TLN1: variants seen among roughly 807,000 people sequenced by gnomAD.
The protein encoded by TLN1 is talin 1.
In TLN1, 56 loss-of-function variants were observed where a neutral mutation model predicts 292.3. That is an observed-to-expected ratio of 0.19 (90% CI 0.15 to 0.24). TLN1 has a LOEUF of 0.24. Ranked by LOEUF, TLN1 falls within the 10% of genes least tolerant of loss-of-function variation. The probability of loss-of-function intolerance (pLI) is 1.00; values close to 1 mark genes in which losing one functional copy is unlikely to be tolerated. For missense variants in TLN1, 2,433 were observed against 3,248.2 expected (o/e 0.75, Z 6.10); for synonymous variants, 1,119 against 1,253.7 (o/e 0.89, Z 2.27).
At chr9:35,726,003 C>A (rs1182547548) in intron 1 of TLN1, among the ~76,000 whole-genome samples, 1 of 152,136 alleles carries the variant, frequency 6.6e-6, no homozygotes. Context: ...AGCTCCGCCT[C>A]CTGGATTCAC....
chr9:35,710,496 A>G, intron 33 of TLN1, 65 bp downstream of exon 33: 2 of 1,572,214 alleles, frequency 1.3e-6, no homozygotes, highest in African/African-American at 2.7e-5. Flanking sequence ...CAGGTATGTC[A>G]GGCTGAGAGA....
chr9:35,707,327 TC>T lies in TLN1; in HGVS notation c.4773+20del. 1 of 1,612,176 alleles carries T rather than the reference TC, an allele frequency of 6.2e-7. No homozygotes were observed. The highest frequency in any genetic ancestry group is 1.1e-5 in the South Asian group (1 of 91,038). On this transcript the variant is annotated intron_variant, in intron 36 of 56. Transcript: ENST00000314888. The surrounding 1 kb of genome is among the most constrained non-coding windows in gnomAD (Gnocchi z 5.6). Reference sequence around the variant, plus strand: ...TGAGGTGATAAGCTGGCCCATCAGTTCCCCCTTCACATCGCCTCACCTCAGG... The same window carrying T: ...TGAGGTGATAAGCTGGCCCATCAGTTCCCCTTCACATCGCCTCACCTCAGG...
intron 27 of TLN1, 75 bp from the exon 28 acceptor site, chr9:35,712,199 A>G: frequency 1.3e-6 from 2 of 1,525,478 alleles, no homozygotes; most frequent in Admixed American, 4.2e-5. Context: ...GCGACATGGG[A>G]GATGACTAGC....
At position 35,700,093 on chromosome 9, in the gene TLN1, G is replaced by A; in HGVS notation, c.6661-12C>T. On this transcript the variant is annotated splice_polypyrimidine_tract_variant and intron_variant, in intron 49 of 56. Transcript: ENST00000314888. ...TGGTAAGCTGCTTCCTGTCCCCAGA[G>A]TAATATGTTAGCTTTAGGCCCCGCA... 2 of 1,606,860 alleles carry A rather than the reference G, an allele frequency of 1.2e-6. No individual in the cohort carries two copies. The highest frequency in any genetic ancestry group is 1.7e-6 in the Non-Finnish European group (2 of 1,174,430).
At chr9:35,702,870 A>C (rs2131882754) in intron 48 of TLN1, among the ~76,000 whole-genome samples, 1 of 152,340 alleles carries the variant, frequency 6.6e-6, no homozygotes, top group East Asian at 1.9e-4. Context: ...CGAAATATTC[A>C]AAGAGGATGA....
intron 12 of TLN1, 47 bp downstream of exon 12, chr9:35,720,385 TG>T: frequency 6.2e-7 from 1 of 1,601,142 alleles, no homozygotes; most frequent in Non-Finnish European, 8.5e-7. Flanking sequence ...AGTCAGGCCT[TG>T]CCTTCTCTAC....
At position 35,722,411 on chromosome 9, in the gene TLN1, G is replaced by T. The variant is rs147769878; in HGVS notation, c.844-188C>A. Among the ~76,000 whole-genome samples the T allele has an allele frequency of 1.4e-4, 21 of 152,328 alleles. No individual in the cohort carries two copies. In the East Asian group the frequency reaches 3.7e-3, roughly 27 times the overall value. Reference sequence around the variant, plus strand: ...GCTATGCAGAAGCGATGAGTCAAGGGATACAGTCAAGGAACTTGCAGACAT... The same window carrying T: ...GCTATGCAGAAGCGATGAGTCAAGGTATACAGTCAAGGAACTTGCAGACAT... On this transcript the variant is annotated intron_variant, in intron 8 of 56. Coordinates refer to ENST00000314888, the MANE Select transcript of TLN1 (RefSeq NM_006289.4).
rs1825590257 is a variant in TLN1, at chr9:35,707,659, A to T, written c.4632+72T>A. The stretch of plus-strand genomic sequence containing the variant: ...GAGGGGATTTGGTAGAAGGCTTCAG[A>T]GAATAACTGGGGGACTCGGGGGAGA... On this transcript the variant is annotated intron_variant, in intron 35 of 56. Transcript: ENST00000314888. This position sits in a 1 kb window ranked among gnomAD's most constrained non-coding sequence, Gnocchi z 5.6. 1.2e-6 allele frequency: 2 copies of T among 1,604,396 alleles called. No homozygotes were observed. The highest frequency in any genetic ancestry group is 4.5e-5 in the East Asian group (2 of 44,734).
At chr9:35,702,129 G>A (rs1006962366) in intron 48 of TLN1, among the ~76,000 whole-genome samples, 2 of 152,148 alleles carry the variant, frequency 1.3e-5, no homozygotes, top group East Asian at 1.9e-4. Context: ...ATGAAAGGAC[G>A]TGGCAACAGC....
chr9:35,714,865 C>G lies in TLN1; in HGVS notation c.2766G>C (p.Lys922Asn), dbSNP rs1423763224. The G allele has an allele frequency of 6.4e-7, 1 of 1,572,174 alleles. No homozygotes were observed. Among genetic ancestry groups the G allele is most frequent in the Non-Finnish European group, 8.6e-7 (1 of 1,158,582 alleles). ...KLVQRLEHAA[K>N]QAAASATQTI... ...TCTGTGTGGCTGAGGCTGCAGCCTG[C>G]TTGGCTGCATGCTGTGAAGACAAGA... The change falls in exon 22 of 57, where the codon AAG (lysine) becomes AAC (asparagine). Residue 922 changes from lysine to asparagine, a missense_variant. Physicochemically the swap from Lys to Asn is moderately conservative, Grantham distance 94. This residue lies in a region of TLN1 where 617 missense variants were observed against 770.6 expected (regional missense o/e 0.80). Transcript: ENST00000314888. This position sits in a 1 kb window ranked among gnomAD's most constrained non-coding sequence, Gnocchi z 4.6.
intron 10 of TLN1, 94 bp from the exon 11 acceptor site, chr9:35,721,007 T>A (rs546425918): frequency 1.1e-6 from 1 of 894,224 alleles, no homozygotes; most frequent in East Asian, 2.5e-5. Context: ...GCTGATGAGA[T>A]GCCTTCCCGT....
intron 33 of TLN1, among the ~76,000 whole-genome samples, chr9:35,709,882 G>A (rs1232999089): frequency 1.1e-4 from 9 of 79,252 alleles, no homozygotes; most frequent in Admixed American, 1.1e-3. Flanking sequence ...GCGAAACTCG[G>A]TCTCAAAAAA....
rs890235114 is a variant in TLN1, at chr9:35,697,975, G to A, written c.7501-59C>T. The A allele has an allele frequency of 6.8e-6, 11 of 1,613,844 alleles. No homozygotes were observed. The African/African-American group carries it at 1.5e-4, about 22-fold the overall frequency. On this transcript the variant is annotated intron_variant, in intron 56 of 56. Coordinates refer to ENST00000314888, the MANE Select transcript of TLN1 (RefSeq NM_006289.4). ...GGATGCACAGCAGGGGCATAGGGTA[G>A]TTGGGACCAGCGCAGGCAACATGAC...
At position 35,714,985 on chromosome 9, in the gene TLN1, G is replaced by C; in HGVS notation, c.2754+74C>G. On this transcript the variant is annotated intron_variant, in intron 21 of 56. Transcript: ENST00000314888. The surrounding 1 kb of genome is among the most constrained non-coding windows in gnomAD (Gnocchi z 4.6). ...TCAAGGACGTATTAACTTACTCTCC[G>C]CACCTCCCTTTCAGTTCATTCCTCC... 2 of 1,610,876 alleles carry C rather than the reference G, an allele frequency of 1.2e-6. No individual in the cohort carries two copies. The highest frequency in any genetic ancestry group is 3.3e-5 in the Admixed American group (2 of 60,024).
chr9:35,698,134 C>A lies in TLN1; in HGVS notation c.7410G>T (p.Leu2470=). The A allele has an allele frequency of 1.2e-6, 2 of 1,614,056 alleles. No homozygotes were observed. Among genetic ancestry groups the A allele is most frequent in the Non-Finnish European group, 1.7e-6 (2 of 1,180,044 alleles). The change falls in exon 56 of 57, where the codon CTG becomes CTT. Residue 2470 remains leucine, a synonymous_variant. Transcript: ENST00000314888. This position sits in a 1 kb window ranked among gnomAD's most constrained non-coding sequence, Gnocchi z 5.3. ...CTGCAGCCTTCTGTGCTGCTTTCAC[C>A]AGATTATCTGAGGCTCGCTTCACTG... ...GNAVKRASDN[L]VKAAQKAAAF...
rs1386823245 is a variant in TLN1, at chr9:35,705,889, G to C, written c.5512-38C>G. On this transcript the variant is annotated intron_variant, in intron 41 of 56. Coordinates refer to ENST00000314888, the MANE Select transcript of TLN1 (RefSeq NM_006289.4). ...GATAGGGAAAGGGAAAGACTGTTAG[G>C]GTCTCTGCCACTGTGCTTGGAGGCT... 3.1e-6 allele frequency: 5 copies of C among 1,614,062 alleles called. No homozygotes were observed. In the Admixed American group the frequency reaches 8.3e-5, roughly 27 times the overall value.
At position 35,704,230 on chromosome 9, in the gene TLN1, G is replaced by A; in HGVS notation, c.6048-56C>T. 3 of 1,569,766 alleles carry A rather than the reference G, an allele frequency of 1.9e-6. No individual in the cohort carries two copies. Among genetic ancestry groups the A allele is most frequent in the South Asian group, 1.2e-5 (1 of 83,446 alleles). On this transcript the variant is annotated intron_variant, in intron 45 of 56. Coordinates refer to ENST00000314888, the MANE Select transcript of TLN1 (RefSeq NM_006289.4). This position sits in a 1 kb window ranked among gnomAD's most constrained non-coding sequence, Gnocchi z 6.9. ...CCCTACCCGCTCCAGCCCGTCCAAG[G>A]TGCCTGGTCCAGGTCTTCCCCATTC...
rs1388512087 is a variant in TLN1 at position 35,719,495 on chromosome 9, C to G, written c.1687+24G>C. ...TTGCACCCCCTCTCCCCATCACACACCCGGAAGCTAGCATCCGGCCTACCT... is the reference window on the plus strand; with the variant it reads ...TTGCACCCCCTCTCCCCATCACACAGCCGGAAGCTAGCATCCGGCCTACCT... On this transcript the variant is annotated intron_variant, in intron 15 of 56. Transcript: ENST00000314888. This position sits in a 1 kb window ranked among gnomAD's most constrained non-coding sequence, Gnocchi z 4.6. 6 of 1,596,194 alleles carry G rather than the reference C, an allele frequency of 3.8e-6. No individual in the cohort carries two copies. The highest frequency in any genetic ancestry group is 1.3e-5 in the African/African-American group (1 of 74,602).
In TLN1 at chr9:35,720,716, C is replaced by T. The variant is rs902117012; in HGVS notation, c.1206+96G>A. On this transcript the variant is annotated intron_variant, in intron 11 of 56. Coordinates refer to ENST00000314888, the MANE Select transcript of TLN1 (RefSeq NM_006289.4). The stretch of plus-strand genomic sequence containing the variant: ...TCTCGGCTCATTGCAACCTCCGCCT[C>T]CCAGGTTCAAGCAATCTGAGTGCCC... 35 of 1,273,958 alleles carry T rather than the reference C, an allele frequency of 2.7e-5. No individual in the cohort carries two copies. In the East Asian group the frequency reaches 4.0e-4, roughly 14 times the overall value. The allele number at this position is 1,273,958 out of a possible 1,614,324, so 78.9% of individuals were successfully genotyped here.
Sources: allele counts gnomAD v4.1 joint callset (sites outside exome capture counted in the v4.1 genomes callset), GRCh38; gene constraint gnomAD v4.1.1; regional missense constraint gnomAD v4.1.1; non-coding constraint Gnocchi (gnomAD v3.1); transcripts MANE v1.5; gene names NCBI Gene and HGNC (gene_info 2026-07-23, HGNC 2026-07-21).